Variants in DORIP1 observed in about 807,000 individuals in gnomAD.
DORIP1 encodes the protein dopamine receptor-interacting protein 1.
At chr14:44,900,395 T>C in the DORIP1 span, 1 of 1,402,674 alleles carries the variant, frequency 7.1e-7, no homozygotes, top group African/African-American at 1.5e-5. Context: ...TATACAAAGT[T>C]ACAATTTTAT....
At chr14:44,905,467 A>T in the DORIP1 span, 3 of 1,568,970 alleles carry the variant, frequency 1.9e-6, no homozygotes, top group East Asian at 6.8e-5. Flanking sequence ...TGGGCTCAGA[A>T]ATGTGAATTT....
the DORIP1 span, chr14:44,906,730 T>C: frequency 5.2e-5 from 8 of 152,730 alleles, no homozygotes; most frequent in South Asian, 1.2e-3. Flanking sequence ...TTGAGATTAG[T>C]TGCAATATAT....
At chr14:44,903,282 G>C in the DORIP1 span, 1 of 1,612,546 alleles carries the variant, frequency 6.2e-7, no homozygotes, top group Admixed American at 1.7e-5. Flanking sequence ...AGATTGAACT[G>C]TGTGAAGAGC....
chr14:44,900,526 G>C, the DORIP1 span: 9 of 1,598,730 alleles, frequency 5.6e-6, no homozygotes, highest in Admixed American at 1.3e-4. Context: ...TCCTTGGGGG[G>C]GTGTTTTTAC....
the DORIP1 span, chr14:44,904,478 A>G: frequency 1.2e-6 from 2 of 1,612,268 alleles, no homozygotes; most frequent in Non-Finnish European, 1.7e-6. Flanking sequence ...CAACATTGGA[A>G]ATCTGAAGAT....
the DORIP1 span, among the ~76,000 whole-genome samples, chr14:44,902,237 C>T: frequency 6.6e-6 from 1 of 152,178 alleles, no homozygotes; most frequent in African/African-American, 2.4e-5. Flanking sequence ...CTCCCGGGCT[C>T]AAGTGATCCT....
the DORIP1 span, chr14:44,897,632 G>C: frequency 6.4e-6 from 1 of 157,256 alleles, no homozygotes; most frequent in Non-Finnish European, 1.4e-5. Context: ...TCCGCGGCCC[G>C]GCCCTCCAGC....
the DORIP1 span, among the ~76,000 whole-genome samples, chr14:44,900,094 T>G: frequency 6.6e-6 from 1 of 152,130 alleles, no homozygotes; most frequent in Admixed American, 6.5e-5. Context: ...CCTCCCAAAG[T>G]ACTGGGATTA....
chr14:44,903,983 A>C, the DORIP1 span: 1 of 978,342 alleles, frequency 1.0e-6, no homozygotes, highest in Non-Finnish European at 1.2e-6. Flanking sequence ...AATACCTCAT[A>C]ATATGAGGAA....
At chr14:44,903,528 A>G in the DORIP1 span, 3 of 1,110,506 alleles carry the variant, frequency 2.7e-6, no homozygotes, top group East Asian at 1.5e-4. Context: ...AGTAGGTACA[A>G]TAAAACCTTG....
chr14:44,899,849 T>TTTTTTTTTTTTG, the DORIP1 span, among the ~76,000 whole-genome samples: 1 of 148,138 alleles, frequency 6.8e-6, no homozygotes, highest in African/African-American at 2.5e-5. Flanking sequence ...TTTTTTTTTT[T>TTTTTTTTTTTTG]TGAGATGGAG....
At chr14:44,903,465 C>G in the DORIP1 span, 2 of 1,300,156 alleles carry the variant, frequency 1.5e-6, no homozygotes, top group Middle Eastern at 2.7e-4. Flanking sequence ...GGTACTACAG[C>G]TGATTGATGA....
At chr14:44,900,594 G>A in the DORIP1 span, 2 of 1,609,754 alleles carry the variant, frequency 1.2e-6, no homozygotes, top group Admixed American at 3.4e-5. Flanking sequence ...AAATAAGACT[G>A]AAAAATACCT....
the DORIP1 span, chr14:44,900,270 A>G: frequency 5.9e-6 from 3 of 504,584 alleles, no homozygotes; most frequent in African/African-American, 6.0e-5. Flanking sequence ...GAGCATGCAT[A>G]GTGCGCGAAA....
At chr14:44,904,359 AAGTGTAATAATGTTC>A in the DORIP1 span, 1 of 1,584,482 alleles carries the variant, frequency 6.3e-7, no homozygotes, top group Non-Finnish European at 8.6e-7. Context: ...GCTTTGTCCC[AAGTGTAATAATGTTC>A]ATGCCTGTTT....
the DORIP1 span, chr14:44,897,289 A>G: frequency 6.5e-6 from 1 of 153,028 alleles, no homozygotes; most frequent in Non-Finnish European, 1.5e-5. Context: ...GTCGTGCCGA[A>G]TCTTCCTCCG....
chr14:44,898,574 C>T, the DORIP1 span, among the ~76,000 whole-genome samples: 1 of 152,136 alleles, frequency 6.6e-6, no homozygotes, highest in African/African-American at 2.4e-5. Context: ...AAGTTATTTT[C>T]GTTTTTAAAG....
At chr14:44,905,299 G>GAA in the DORIP1 span, 1 of 1,055,384 alleles carries the variant, frequency 9.5e-7, no homozygotes, top group Non-Finnish European at 1.3e-6. Context: ...CCTTAGTTAT[G>GAA]AATTTAAGGA....
the DORIP1 span, chr14:44,900,707 G>A: frequency 6.2e-7 from 1 of 1,614,010 alleles, no homozygotes; most frequent in Non-Finnish European, 8.5e-7. Context: ...TTTGTAGACT[G>A]TTTTCTTTAC....
Sources: allele counts gnomAD v4.1 joint callset (sites outside exome capture counted in the v4.1 genomes callset), GRCh38; gene constraint gnomAD v4.1.1; transcripts MANE v1.5; gene names NCBI Gene and HGNC (gene_info 2026-07-23, HGNC 2026-07-21).